The following ZC3H12B variants were observed in gnomAD, a reference collection of about 807,000 sequenced individuals.
ZC3H12B encodes zinc finger CCCH-type containing 12B, also known as probable ribonuclease ZC3H12B.
Under a neutral mutation model 43.9 loss-of-function variants are expected in ZC3H12B, and 7 were observed. The ratio of observed to expected loss-of-function variants is 0.16; its 90% confidence interval spans 0.09 to 0.30. ZC3H12B has a LOEUF of 0.30. ZC3H12B is among the 10% of genes least tolerant of loss of function. The pLI is 1.00. For synonymous variants in ZC3H12B, 222 were observed against 241.7 expected, an observed-to-expected ratio of 0.92 and a Z score of 0.76; for missense variants, 475 against 670.2, an observed-to-expected ratio of 0.71 and a Z score of 3.22.
intron 2 of ZC3H12B, among the ~76,000 whole-genome samples, chrX:65,383,755 A>C (rs1179440382): frequency 3.6e-5 from 4 of 111,913 alleles, no homozygotes; most frequent in African/African-American, 1.3e-4. Flanking sequence ...ACAAATTTAC[A>C]AGAAAAAAAA....
the ZC3H12B span, among the ~76,000 whole-genome samples, chrX:65,044,727 T>C: frequency 9.0e-6 from 1 of 111,447 alleles, no homozygotes; most frequent in Non-Finnish European, 1.9e-5. Flanking sequence ...GAAATACATA[T>C]GTACAGTCAC....
upstream of ZC3H12B, among the ~76,000 whole-genome samples, chrX:65,488,406 G>A (rs764799598): frequency 1.6e-4 from 15 of 93,490 alleles, no homozygotes; most frequent in African/African-American, 5.2e-4. Flanking sequence ...GGGGTAGGGG[G>A]GCGACAGGAG....
the ZC3H12B span, among the ~76,000 whole-genome samples, chrX:65,101,151 CACATAATGAAATTAACGCAGAAA>C: frequency 2.7e-5 from 3 of 111,630 alleles, no homozygotes; most frequent in Admixed American, 2.8e-4. Context: ...GACTACTGGG[CACATAATGAAATTAACGCAGAAA>C]TAAAGATGTT....
At chrX:65,057,791 C>A in the ZC3H12B span, among the ~76,000 whole-genome samples, 4 of 111,488 alleles carry the variant, frequency 3.6e-5, no homozygotes, top group African/African-American at 1.3e-4. Context: ...TGTTTTTATT[C>A]TTTTTTCTCT....
the ZC3H12B span, among the ~76,000 whole-genome samples, chrX:65,071,126 C>T: frequency 2.1e-4 from 23 of 109,424 alleles, no homozygotes; most frequent in Admixed American, 5.9e-4. Flanking sequence ...TTTATGAATG[C>T]GATTGCACCT....
At chrX:65,145,137 G>A in the ZC3H12B span, among the ~76,000 whole-genome samples, 1 of 111,105 alleles carries the variant, frequency 9.0e-6, no homozygotes, top group Non-Finnish European at 1.9e-5. Context: ...TTTTATAAAT[G>A]TGGGAGCACC....
the ZC3H12B span, among the ~76,000 whole-genome samples, chrX:65,213,086 C>T: frequency 7.3e-5 from 8 of 108,878 alleles, no homozygotes; most frequent in South Asian, 3.9e-4. Context: ...CTGATATATA[C>T]TGTATTCTTA....
At chrX:65,273,720 A>G in the ZC3H12B span, among the ~76,000 whole-genome samples, 1 of 112,100 alleles carries the variant, frequency 8.9e-6, no homozygotes, top group East Asian at 2.8e-4. Flanking sequence ...TTGTGACAAA[A>G]AAGAAAACCC....
intron 2 of ZC3H12B, among the ~76,000 whole-genome samples, chrX:65,374,158 A>G (rs1401386563): frequency 1.3e-5 from 1 of 79,332 alleles, no homozygotes; most frequent in Non-Finnish European, 2.3e-5. Flanking sequence ...TACAGTGTAT[A>G]TATATAGTTA....
chrX:65,497,099 A>G (rs2068299027), intron 1 of ZC3H12B, 33 bp from the exon 7 acceptor site: 1 of 1,177,645 alleles, frequency 8.5e-7, no homozygotes, highest in East Asian at 3.0e-5. Flanking sequence ...TCTATTATCA[A>G]TCTTCTCTCC....
chrX:65,139,182 C>A, the ZC3H12B span, among the ~76,000 whole-genome samples: 1 of 111,984 alleles, frequency 8.9e-6, no homozygotes, highest in African/African-American at 3.2e-5. Context: ...TGTCAAGAAA[C>A]TAGTCTTCTA....
chrX:65,362,026 C>A, upstream of ZC3H12B, among the ~76,000 whole-genome samples: 1 of 112,083 alleles, frequency 8.9e-6, no homozygotes, highest in Non-Finnish European at 1.9e-5. Flanking sequence ...CCAACAAATG[C>A]CCACAGCCCG....
At chrX:65,258,319 C>G in the ZC3H12B span, among the ~76,000 whole-genome samples, 82 of 111,916 alleles carry the variant, frequency 7.3e-4, no homozygotes, top group African/African-American at 2.5e-3. Context: ...ACATAAATCA[C>G]ATGATTATCT....
chrX:65,228,567 T>G, the ZC3H12B span, among the ~76,000 whole-genome samples: 12 of 111,047 alleles, frequency 1.1e-4, no homozygotes, highest in African/African-American at 3.9e-4. Flanking sequence ...TAAAGGGTAT[T>G]CAATTAGGAA....
At chrX:65,107,432 A>G in the ZC3H12B span, among the ~76,000 whole-genome samples, 2 of 111,653 alleles carry the variant, frequency 1.8e-5, no homozygotes, top group African/African-American at 6.5e-5. Context: ...ACAGTCATGT[A>G]TCACTTAACT....
chrX:65,416,178 T>C (rs955630014), intron 3 of ZC3H12B, among the ~76,000 whole-genome samples: 3 of 111,829 alleles, frequency 2.7e-5, no homozygotes, highest in Non-Finnish European at 3.8e-5. Flanking sequence ...AGACTGGCAG[T>C]CATGGGAGAG....
exon 5 of ZC3H12B, chrX:65,503,446 C>G: frequency 3.1e-6 from 1 of 320,944 alleles, no homozygotes; most frequent in Non-Finnish European, 5.4e-6. Context: ...TAGCAAATGA[C>G]TAAGTCAAGA....
At chrX:65,305,277 G>A in the ZC3H12B span, among the ~76,000 whole-genome samples, 1 of 111,030 alleles carries the variant, frequency 9.0e-6, no homozygotes, top group African/African-American at 3.3e-5. Flanking sequence ...ACAGAGCAGG[G>A]CTTGAACTCC....
chrX:65,239,147 C>T, the ZC3H12B span, among the ~76,000 whole-genome samples: 2 of 111,201 alleles, frequency 1.8e-5, no homozygotes, highest in Admixed American at 9.5e-5. Flanking sequence ...TTTTCTTTTT[C>T]AGTGGTCTAA....
Sources: gnomAD v4.1 joint callset for allele counts (sites outside exome capture counted in the v4.1 genomes callset) on GRCh38, gnomAD v4.1.1 for gene constraint, MANE v1.5 for transcripts, NCBI Gene and HGNC (gene_info 2026-07-23, HGNC 2026-07-21) for gene names.